Variants in EDA observed in about 807,000 individuals in gnomAD.
EDA encodes the protein ectodysplasin A.
A neutral mutation model predicts 23.6 loss-of-function variants in EDA; 2 were observed. That is an observed-to-expected ratio of 0.08 (90% CI 0.03 to 0.27). The LOEUF is 0.27. Among genes scored for constraint, EDA ranks in the 10% least tolerant of loss-of-function variants. The pLI is 1.00. For synonymous variants in EDA, 131 were observed against 132.0 expected, an observed-to-expected ratio of 0.99 and a Z score of 0.05; for missense variants, 229 against 324.2, an observed-to-expected ratio of 0.71 and a Z score of 2.26.
intron 2 of EDA, among the ~76,000 whole-genome samples, chrX:69,973,641 A>G (rs2019277038): frequency 9.0e-6 from 1 of 111,604 alleles, no homozygotes. Flanking sequence ...TCTCTCTCAA[A>G]AGACATTCTT....
intron 1 of EDA, among the ~76,000 whole-genome samples, chrX:69,811,204 C>T (rs1380218636): frequency 8.9e-6 from 1 of 112,083 alleles, no homozygotes; most frequent in Non-Finnish European, 1.9e-5. Flanking sequence ...ACCAAGGCCT[C>T]ATTAAGGCAT....
At chrX:69,946,620 G>A (rs1051470558) in intron 1 of EDA, among the ~76,000 whole-genome samples, 1 of 111,428 alleles carries the variant, frequency 9.0e-6, no homozygotes, top group Non-Finnish European at 1.9e-5. Flanking sequence ...GTAGTCATCT[G>A]TTTCTTAATT....
At chrX:69,954,493 C>T (rs1036744494) in intron 1 of EDA, among the ~76,000 whole-genome samples, 4 of 111,524 alleles carry the variant, frequency 3.6e-5, no homozygotes, top group Admixed American at 9.6e-5. Flanking sequence ...ACCCTCAAAC[C>T]CATAGTGGAC....
intron 1 of EDA, among the ~76,000 whole-genome samples, chrX:69,799,966 C>G (rs1425957977): frequency 8.9e-6 from 1 of 112,103 alleles, no homozygotes; most frequent in Non-Finnish European, 1.9e-5. Flanking sequence ...ACGGAGTCAA[C>G]CTACGTGTCC....
chrX:69,817,969 C>T (rs139406232), intron 1 of EDA, among the ~76,000 whole-genome samples: 70 of 111,706 alleles, frequency 6.3e-4, no homozygotes, highest in Admixed American at 3.3e-3. Flanking sequence ...ATCACATAAT[C>T]GGAAGTAAAA....
intron 1 of EDA, among the ~76,000 whole-genome samples, chrX:69,670,477 A>G (rs1258709418): frequency 9.9e-5 from 11 of 110,941 alleles, no homozygotes; most frequent in Non-Finnish European, 2.1e-4. Flanking sequence ...CAATTGTTTC[A>G]TTAAATAATA....
At chrX:69,893,215 T>C (rs2017959540) in intron 1 of EDA, among the ~76,000 whole-genome samples, 1 of 111,243 alleles carries the variant, frequency 9.0e-6, no homozygotes, top group Non-Finnish European at 1.9e-5. Flanking sequence ...CATCTGTATC[T>C]GTGTGTCTCA....
At chrX:69,837,027 T>G (rs1790729843) in intron 1 of EDA, among the ~76,000 whole-genome samples, 1 of 112,172 alleles carries the variant, frequency 8.9e-6, no homozygotes, top group African/African-American at 3.2e-5. Flanking sequence ...TTTAAAAAAT[T>G]TTTTTGTTTC....
intron 1 of EDA, among the ~76,000 whole-genome samples, chrX:69,834,007 G>C (rs12396592): frequency 0.22 from 20,561 of 93,733 alleles, 1,857 homozygotes; most frequent in East Asian, 0.27. Flanking sequence ...CTGTGTCCAA[G>C]TGTTCTCATT....
At chrX:69,867,028 C>T (rs2017497215) in intron 1 of EDA, among the ~76,000 whole-genome samples, 1 of 111,994 alleles carries the variant, frequency 8.9e-6, no homozygotes, top group African/African-American at 3.2e-5. Flanking sequence ...TGGAAGAGGT[C>T]CAATATAATC....
At chrX:69,933,006 T>C (rs1267554091) in intron 1 of EDA, among the ~76,000 whole-genome samples, 1 of 110,647 alleles carries the variant, frequency 9.0e-6, no homozygotes, top group Non-Finnish European at 1.9e-5. Context: ...CAGTATCTCT[T>C]AGTTCTTTGT....
chrX:69,759,534 A>C (rs918659785), intron 1 of EDA, among the ~76,000 whole-genome samples: 3 of 112,001 alleles, frequency 2.7e-5, no homozygotes, highest in Non-Finnish European at 5.6e-5. Flanking sequence ...GAAACCCAGG[A>C]AGAACCGCAT....
At chrX:69,627,044 T>A (rs772993237) in intron 1 of EDA, among the ~76,000 whole-genome samples, 167 of 111,550 alleles carry the variant, frequency 1.5e-3, no homozygotes, top group Non-Finnish European at 2.7e-3. Flanking sequence ...ATCAATTGAA[T>A]TAGAAGCTTC....
chrX:69,706,125 C>T (rs190964562), intron 1 of EDA, among the ~76,000 whole-genome samples: 4 of 111,947 alleles, frequency 3.6e-5, no homozygotes, highest in Non-Finnish European at 3.8e-5. Context: ...TTTTACAAAA[C>T]GTCTCAAAAT....
intron 1 of EDA, among the ~76,000 whole-genome samples, chrX:69,750,243 A>G (rs370208863): frequency 7.7e-5 from 7 of 91,102 alleles, no homozygotes; most frequent in East Asian, 7.1e-4. Flanking sequence ...TCATTGTTCA[A>G]TTCTCACCTG....
chrX:69,699,897 A>G (rs1195886386), intron 1 of EDA, among the ~76,000 whole-genome samples: 3 of 110,426 alleles, frequency 2.7e-5, no homozygotes, highest in Admixed American at 1.9e-4. Context: ...AAGTTTGGCA[A>G]GTAGAGTGAA....
At chrX:69,761,115 G>A (rs1242939137) in intron 1 of EDA, among the ~76,000 whole-genome samples, 1 of 110,855 alleles carries the variant, frequency 9.0e-6, no homozygotes, top group Non-Finnish European at 1.9e-5. Flanking sequence ...GGGAATGGCA[G>A]ATGAAGAAAA....
At chrX:69,671,116 A>T (rs1406408828) in intron 1 of EDA, among the ~76,000 whole-genome samples, 1 of 111,490 alleles carries the variant, frequency 9.0e-6, no homozygotes, top group Non-Finnish European at 1.9e-5. Flanking sequence ...GTGACAATTG[A>T]GCAGACTATG....
At chrX:69,912,645 G>A (rs1254952667) in intron 1 of EDA, among the ~76,000 whole-genome samples, 1 of 111,041 alleles carries the variant, frequency 9.0e-6, no homozygotes, top group African/African-American at 3.3e-5. Context: ...CTGAGCAGTA[G>A]GTCTCAATAC....
Sources: allele counts gnomAD v4.1 joint callset (sites outside exome capture counted in the v4.1 genomes callset), GRCh38; gene constraint gnomAD v4.1.1; transcripts MANE v1.5; gene names NCBI Gene and HGNC (gene_info 2026-07-23, HGNC 2026-07-21).